The following L3HYPDH variants were observed in gnomAD, a reference collection of about 807,000 sequenced individuals.
The protein encoded by L3HYPDH is trans-3-hydroxy-L-proline dehydratase.
A neutral mutation model predicts 26.5 loss-of-function variants in L3HYPDH; 32 were observed. The ratio of observed to expected loss-of-function variants is 1.21; its 90% CI spans 0.91 to 1.62. The LOEUF (loss-of-function observed/expected upper bound fraction) is 1.62, where lower values mean the gene tolerates loss of function less well. Among genes scored for constraint, L3HYPDH ranks in the 40% most tolerant of loss-of-function variants. The probability of loss-of-function intolerance (pLI) is 0.00; values close to 1 mark genes in which losing one functional copy is unlikely to be tolerated. For missense variants in L3HYPDH, 554 were observed against 476.4 expected, an observed-to-expected ratio of 1.16 and a Z score of -1.52; for synonymous variants, 215 against 196.6, an observed-to-expected ratio of 1.09 and a Z score of -0.78.
downstream of L3HYPDH, among the ~76,000 whole-genome samples, chr14:59,469,596 G>A (rs952686779): frequency 7.3e-6 from 1 of 136,490 alleles, no homozygotes; most frequent in African/African-American, 2.7e-5. Flanking sequence ...AAGGTTGGGG[G>A]GTAAAAGAAG....
At chr14:59,488,212 A>C (rs1890726368), upstream of L3HYPDH, among the ~76,000 whole-genome samples, 3 of 152,148 alleles carry the variant, frequency 2.0e-5, no homozygotes, top group South Asian at 6.2e-4. Context: ...GCTGTAACCT[A>C]ATACAAAAAC....
chr14:59,489,175 C>G (rs1473664483), upstream of L3HYPDH, among the ~76,000 whole-genome samples: 3 of 134,248 alleles, frequency 2.2e-5, no homozygotes, highest in African/African-American at 9.1e-5. Context: ...AACTTTTAGA[C>G]TCCGCTTTCC....
downstream of L3HYPDH, among the ~76,000 whole-genome samples, chr14:59,468,972 A>G (rs1889253392): frequency 6.6e-6 from 1 of 152,132 alleles, no homozygotes; most frequent in Non-Finnish European, 1.5e-5. Context: ...GCAATATAGG[A>G]ATTTACTGGA....
chr14:59,499,310 A>G, the L3HYPDH span, among the ~76,000 whole-genome samples: 3 of 152,080 alleles, frequency 2.0e-5, no homozygotes, highest in Non-Finnish European at 2.9e-5. Flanking sequence ...CGAAATTAAA[A>G]TATTTTAAAA....
chr14:59,484,244 T>C lies in L3HYPDH; in HGVS notation c.73A>G (p.Met25Val), dbSNP rs1313839663. The C allele has an allele frequency of 3.1e-6, 5 of 1,598,022 alleles. No individual in the cohort carries two copies. Among genetic ancestry groups the C allele is most frequent in the Admixed American group, 3.3e-5 (2 of 59,966 alleles). The change falls in exon 1 of 5, where the codon ATG becomes GTG. Residue 25 changes from methionine to valine, a missense_variant. Coordinates refer to ENST00000247194, the MANE Select transcript of L3HYPDH (RefSeq NM_144581.2). ...PGTPVLSVVD[M>V]HTGGEPLRIV... is the part of the protein sequence containing the mutation. ...CGCAAGGGCTCGCCGCCCGTGTGCA[T>C]GTCCACCACCGACAGCACCGGCGTC...
At chr14:59,467,823 T>C (rs910848911), downstream of L3HYPDH, among the ~76,000 whole-genome samples, 3 of 152,160 alleles carry the variant, frequency 2.0e-5, no homozygotes, top group African/African-American at 7.2e-5. Context: ...CCTTCTAGCT[T>C]TTAAGCCAAA....
chr14:59,466,287 T>C (rs2139787206), intron 1 of L3HYPDH, among the ~76,000 whole-genome samples: 1 of 152,262 alleles, frequency 6.6e-6, no homozygotes, highest in African/African-American at 2.4e-5. Flanking sequence ...TCCAGGTACC[T>C]GGCTGGGAGA....
chr14:59,465,852 T>TA (rs1050265043), intron 1 of L3HYPDH, among the ~76,000 whole-genome samples: 4 of 152,164 alleles, frequency 2.6e-5, no homozygotes, highest in African/African-American at 7.2e-5. Flanking sequence ...GAGGGCGTGT[T>TA]AAAATACAAG....
At chr14:59,503,137 T>G in the L3HYPDH span, among the ~76,000 whole-genome samples, 1 of 152,088 alleles carries the variant, frequency 6.6e-6, no homozygotes, top group Non-Finnish European at 1.5e-5. Flanking sequence ...CCTGTGAATC[T>G]CCTATATAAA....
chr14:59,491,828 G>T, the L3HYPDH span, among the ~76,000 whole-genome samples: 24 of 152,354 alleles, frequency 1.6e-4, no homozygotes, highest in Admixed American at 1.4e-3. Context: ...GGTAGCAGCA[G>T]TGTTATCTGG....
At chr14:59,503,346 G>A in the L3HYPDH span, among the ~76,000 whole-genome samples, 6 of 152,144 alleles carry the variant, frequency 3.9e-5, no homozygotes, top group Non-Finnish European at 8.8e-5. Context: ...TAGCATACAG[G>A]TGTATTAAGG....
the L3HYPDH span, chr14:59,504,827 G>T: frequency 6.5e-6 from 1 of 153,956 alleles, no homozygotes; most frequent in Non-Finnish European, 1.4e-5. Flanking sequence ...TATTGATCCA[G>T]AGATACTTAT....
At chr14:59,476,719 C>A (rs2139810322) in intron 2 of L3HYPDH, among the ~76,000 whole-genome samples, 1 of 152,216 alleles carries the variant, frequency 6.6e-6, no homozygotes. Flanking sequence ...TGTAAGAATG[C>A]AGAAACTATT....
chr14:59,474,564 G>A (rs750135998), intron 4 of L3HYPDH: 12 of 696,940 alleles, frequency 1.7e-5, no homozygotes, highest in African/African-American at 3.5e-5. Flanking sequence ...TGCTTTGTCT[G>A]ACAGCAATAT....
the L3HYPDH span, chr14:59,498,653 A>G: frequency 1.0e-4 from 85 of 847,410 alleles, no homozygotes; most frequent in Non-Finnish European, 1.4e-4. Flanking sequence ...AGGCTCTTTC[A>G]TTTAAAAATG....
Position 59,484,262 on chromosome 14 carries a change from C to A in L3HYPDH, c.55G>T (p.Val19Leu). The A allele has an allele frequency of 2.5e-6, 4 of 1,597,540 alleles. 1 individual carries two copies. Among genetic ancestry groups the A allele is most frequent in the Non-Finnish European group, 3.4e-6 (4 of 1,179,462 alleles). ...GTGTGCATGTCCACCACCGACAGCA[C>A]CGGCGTCCCTGGATCATGCGGGGGC... The part of the protein sequence containing the change: ...RLPPHDPGTP[V>L]LSVVDMHTGG... The change falls in exon 1 of 5, where the codon GTG (valine) becomes TTG (leucine). Residue 19 changes from valine to leucine, a missense_variant. By Grantham distance (32) the Val-to-Leu change is conservative (BLOSUM62 1). Transcript: ENST00000247194.
downstream of L3HYPDH, among the ~76,000 whole-genome samples, chr14:59,468,757 A>T (rs1374741546): frequency 6.6e-6 from 1 of 152,210 alleles, no homozygotes; most frequent in Non-Finnish European, 1.5e-5. Context: ...ATACAAAAAA[A>T]TATTTTTTGA....
At chr14:59,474,431 T>G in intron 4 of L3HYPDH, 1 of 671,800 alleles carries the variant, frequency 1.5e-6, no homozygotes, top group Non-Finnish European at 2.7e-6. Flanking sequence ...ATGCATCTAC[T>G]TGCCAACCTG....
the L3HYPDH span, among the ~76,000 whole-genome samples, chr14:59,493,741 T>G: frequency 3.9e-5 from 6 of 152,100 alleles, no homozygotes; most frequent in African/African-American, 1.4e-4. Context: ...ATTTTAAAAT[T>G]TATATGGAAG....
Sources: gnomAD v4.1 joint callset for allele counts (sites outside exome capture counted in the v4.1 genomes callset) on GRCh38, gnomAD v4.1.1 for gene constraint, MANE v1.5 for transcripts, NCBI Gene and HGNC (gene_info 2026-07-23, HGNC 2026-07-21) for gene names.